Variants in FBLN2 observed in about 807,000 individuals in gnomAD.
FBLN2 encodes fibulin 2, also known as fibulin-2.
A neutral mutation model predicts 123.7 loss-of-function variants in FBLN2; 81 were observed. The ratio of observed to expected loss-of-function variants is 0.65; its 90% CI spans 0.55 to 0.79. The LOEUF (loss-of-function observed/expected upper bound fraction) is 0.79. Among genes scored for constraint, FBLN2 ranks in the 30% least tolerant of loss-of-function variants. The probability of loss-of-function intolerance (pLI) is 0.00; values close to 1 mark genes in which losing one functional copy is unlikely to be tolerated. For missense variants in FBLN2, 1,603 were observed against 1,681.3 expected (o/e 0.95, Z 0.81); for synonymous variants, 699 against 701.4 (o/e 1.00, Z 0.05).
intron 5 of FBLN2, 104 bp from the exon 6 acceptor site, chr3:13,617,972 A>G (rs901405976): frequency 4.2e-5 from 41 of 978,710 alleles, no homozygotes; most frequent in Non-Finnish European, 5.7e-5. Flanking sequence ...TGCTGGGCAC[A>G]CAGAGGTCTT....
At chr3:13,610,671 A>G (rs908626839) in intron 4 of FBLN2, among the ~76,000 whole-genome samples, 10 of 152,164 alleles carry the variant, frequency 6.6e-5, no homozygotes, top group Non-Finnish European at 1.5e-4. Flanking sequence ...CCACTGGCGG[A>G]CAGGGTGTCA....
intron 2 of FBLN2, among the ~76,000 whole-genome samples, chr3:13,579,115 C>T (rs1258080284): frequency 1.3e-5 from 2 of 152,286 alleles, no homozygotes; most frequent in South Asian, 2.1e-4. Flanking sequence ...ACATTCCCAC[C>T]GGCAGTGCAC....
chr3:13,570,464 G>A lies in FBLN2; in HGVS notation c.109G>A (p.Glu37Lys). The change falls in exon 2 of 18, where the codon GAG (glutamate) becomes AAG (lysine). Residue 37 changes from glutamate to lysine, a missense_variant. Coordinates refer to ENST00000404922, the MANE Select transcript of FBLN2 (RefSeq NM_001004019.2). ...CCCTCGGCAGGACTGCACGGGCGTG[G>A]AGTGCCCGCCGCTGGAGAACTGCAT... ...AAPRQDCTGV[E>K]CPPLENCIEE... The A allele has an allele frequency of 6.3e-7, 1 of 1,574,988 alleles. No individual in the cohort carries two copies.
chr3:13,568,841 G>T lies in FBLN2; in HGVS notation c.-41-1474G>T, dbSNP rs28432040. The T allele has an allele frequency of 2.0e-3, 1,974 of 985,640 alleles. 37 individuals are homozygous for T. In the African/African-American group the frequency reaches 0.031, roughly 16 times the overall value. The allele number at this position is 985,640 out of a possible 1,614,324, so 61.1% of individuals were successfully genotyped here. On this transcript the variant is annotated intron_variant, in intron 1 of 17. Coordinates refer to ENST00000404922, the MANE Select transcript of FBLN2 (RefSeq NM_001004019.2). ...ATTATCTGCCCCTCCACCCCTGAGGGTGTCAGTGCTGTGAGGACGCTGGGA... is the reference window on the plus strand; with the variant it reads ...ATTATCTGCCCCTCCACCCCTGAGGTTGTCAGTGCTGTGAGGACGCTGGGA...
intron 2 of FBLN2, among the ~76,000 whole-genome samples, chr3:13,606,298 A>G (rs1014327406): frequency 5.3e-5 from 8 of 152,362 alleles, no homozygotes; most frequent in African/African-American, 1.9e-4. Context: ...TGGACATTCC[A>G]GAAACATTTC....
chr3:13,587,295 T>G (rs1704541462), intron 2 of FBLN2, among the ~76,000 whole-genome samples: 1 of 152,118 alleles, frequency 6.6e-6, no homozygotes, highest in Non-Finnish European at 1.5e-5. Context: ...AAATTAAAAT[T>G]TATAAAGTAA....
Position 13,571,101 on chromosome 3 carries a change from C to T in FBLN2, c.746C>T (p.Ala249Val). The change falls in exon 2 of 18, where the codon GCT (alanine) becomes GTT (valine). Residue 249 changes from alanine to valine, a missense_variant. Ala to Val is a moderately conservative substitution (Grantham distance 64). Transcript: ENST00000404922. ...ACCATCCAGGCACCCCCCTGGCCAG[C>T]TGTCCTCCCCAGGCCCACAGCGGCT... is the stretch of plus-strand genomic sequence containing the variant. ...LSTIQAPPWP[A>V]VLPRPTAAAA... The T allele has an allele frequency of 6.4e-7, 1 of 1,553,006 alleles. No homozygotes were observed. Among genetic ancestry groups the T allele is most frequent in the South Asian group, 1.2e-5 (1 of 84,248 alleles).
At chr3:13,622,387 G>T (rs940371847) in intron 9 of FBLN2, among the ~76,000 whole-genome samples, 1 of 152,206 alleles carries the variant, frequency 6.6e-6, no homozygotes, top group African/African-American at 2.4e-5. Context: ...ACATGTATGT[G>T]GGGTAGCACA....
intron 4 of FBLN2, among the ~76,000 whole-genome samples, chr3:13,613,721 G>T (rs1390701370): frequency 6.6e-6 from 1 of 152,198 alleles, no homozygotes; most frequent in African/African-American, 2.4e-5. Context: ...TAAACATGAG[G>T]GGATAATGAG....
chr3:13,579,780 G>T (rs1704263649), intron 2 of FBLN2, among the ~76,000 whole-genome samples: 2 of 152,214 alleles, frequency 1.3e-5, no homozygotes, highest in Non-Finnish European at 2.9e-5. Context: ...CCCCAGTGTG[G>T]AATTGTGAGG....
chr3:13,596,398 G>A (rs1210952840), intron 2 of FBLN2, among the ~76,000 whole-genome samples: 1 of 152,174 alleles, frequency 6.6e-6, no homozygotes, highest in Non-Finnish European at 1.5e-5. Context: ...TGGGATTTAG[G>A]TTGTTTCTGG....
intron 4 of FBLN2, 46 bp downstream of exon 4, chr3:13,609,688 G>GGGGGCCCCC: frequency 2.0e-6 from 1 of 512,604 alleles, no homozygotes. Context: ...GTGGGGCGGG[G>GGGGGCCCCC]CGGGAGGCTG....
chr3:13,569,408 G>A (rs565586914), intron 1 of FBLN2, among the ~76,000 whole-genome samples: 5 of 152,248 alleles, frequency 3.3e-5, no homozygotes, highest in Non-Finnish European at 7.4e-5. Context: ...GAAAGGGGAG[G>A]AGTGGTGGGC....
chr3:13,572,625 GC>G (rs1703999633), intron 2 of FBLN2, among the ~76,000 whole-genome samples: 1 of 152,254 alleles, frequency 6.6e-6, no homozygotes, highest in Non-Finnish European at 1.5e-5. Flanking sequence ...CTGGTAGGCG[GC>G]CCAGGCCTCT....
intron 4 of FBLN2, among the ~76,000 whole-genome samples, chr3:13,611,220 T>C (rs1705382152): frequency 6.6e-6 from 1 of 152,200 alleles, no homozygotes; most frequent in Non-Finnish European, 1.5e-5. Context: ...GTGCTGGGAT[T>C]ACAGGCATGA....
At chr3:13,619,885 G>C in intron 8 of FBLN2, 54 bp downstream of exon 8, 1 of 1,438,856 alleles carries the variant, frequency 6.9e-7, no homozygotes, top group Non-Finnish European at 9.5e-7. Context: ...GGCCTGTGAT[G>C]GGGGCCTCCA....
intron 2 of FBLN2, among the ~76,000 whole-genome samples, chr3:13,592,628 C>T (rs1435111110): frequency 1.3e-5 from 2 of 152,100 alleles, no homozygotes; most frequent in Non-Finnish European, 2.9e-5. Flanking sequence ...GATATATCCC[C>T]CTATTTATTC....
rs538976440 is a variant in FBLN2, at chr3:13,583,164, C to G, written c.1306+11503C>G. On this transcript the variant is annotated intron_variant, in intron 2 of 17. Coordinates refer to ENST00000404922, the MANE Select transcript of FBLN2 (RefSeq NM_001004019.2). ...TTCCCACAGACAAGGGGAGGGGCAC[C>G]CTCCTCTACTGAGTCTGCATGCGGG... Among the ~76,000 whole-genome samples the G allele has an allele frequency of 5.3e-5, 8 of 152,374 alleles. No homozygotes were observed. The South Asian group carries it at 1.7e-3, about 32-fold the overall frequency.
rs111161972 is a variant in FBLN2, at chr3:13,614,774, C to T, written c.1729+610C>T. ...CCTATCCACTATCCACTCATCCATC[C>T]GTTTGTTTATCCATCCATCCATCCA... On this transcript the variant is annotated intron_variant, in intron 5 of 17. Coordinates refer to ENST00000404922, the MANE Select transcript of FBLN2 (RefSeq NM_001004019.2). Among the ~76,000 whole-genome samples the T allele has an allele frequency of 7.3e-3, 1,104 of 151,940 alleles. 10 individuals carry two copies. Among genetic ancestry groups the T allele is most frequent in the African/African-American group, 0.026 (1,060 of 41,406 alleles).
Sources: gnomAD v4.1 joint callset for allele counts (sites outside exome capture counted in the v4.1 genomes callset) on GRCh38, gnomAD v4.1.1 for gene constraint, MANE v1.5 for transcripts, NCBI Gene and HGNC (gene_info 2026-07-23, HGNC 2026-07-21) for gene names.